Variants in EYS observed in about 807,000 individuals in gnomAD.
The protein encoded by EYS is EGF-like photoreceptor maintenance factor, also known as protein eyes shut homolog.
Under a neutral mutation model 282.1 loss-of-function variants are expected in EYS, and 250 were observed. That is an observed-to-expected ratio of 0.89 (90% CI 0.80 to 0.98). The LOEUF is 0.98. Ranked by LOEUF, EYS falls within the 50% of genes least tolerant of loss-of-function variation. The probability of loss-of-function intolerance (pLI) is 0.00; values close to 1 mark genes in which losing one functional copy is unlikely to be tolerated. For synonymous variants in EYS, 1,355 were observed against 1,282.9 expected, an observed-to-expected ratio of 1.06 and a Z score of -1.20; for missense variants, 4,016 against 3,709.0, an observed-to-expected ratio of 1.08 and a Z score of -2.15.
At chr6:64,963,336 C>T (rs1013728640) in intron 14 of EYS, among the ~76,000 whole-genome samples, 1 of 152,080 alleles carries the variant, frequency 6.6e-6, no homozygotes, top group Non-Finnish European at 1.5e-5. Flanking sequence ...TACTTCTTGA[C>T]CAGGATGTAG....
chr6:65,059,442 A>G (rs1773507450), intron 12 of EYS, among the ~76,000 whole-genome samples: 2 of 152,136 alleles, frequency 1.3e-5, no homozygotes, highest in Non-Finnish European at 2.9e-5. Context: ...AGGAGGTAGT[A>G]TTACAACTTG....
intron 12 of EYS, among the ~76,000 whole-genome samples, chr6:65,128,083 A>G (rs1358943329): frequency 6.6e-6 from 1 of 152,070 alleles, no homozygotes; most frequent in Admixed American, 6.6e-5. Flanking sequence ...TCCCATGGTC[A>G]AACTATTAAG....
Position 64,685,481 on chromosome 6 carries a change from G to A in EYS, c.3444-59236C>T, listed in dbSNP as rs138887043. Among the ~76,000 whole-genome samples the A allele has an allele frequency of 5.5e-3, 844 of 152,226 alleles. 8 individuals are homozygous for A. The highest frequency in any genetic ancestry group is 0.019 in the African/African-American group (805 of 41,536). ...CTCATGAATAGACTAATGTTTTGGG[G>A]TGGTGGTGAGTGAGTTCCAACTCTG... On this transcript the variant is annotated intron_variant, in intron 22 of 42. Coordinates refer to ENST00000503581, the MANE Select transcript of EYS (RefSeq NM_001142800.2).
At chr6:65,136,027 G>GTA (rs1776015547) in intron 12 of EYS, among the ~76,000 whole-genome samples, 1 of 151,902 alleles carries the variant, frequency 6.6e-6, no homozygotes, top group South Asian at 2.1e-4. Flanking sequence ...AAATAAATAT[G>GTA]TATATATGAT....
intron 13 of EYS, among the ~76,000 whole-genome samples, chr6:65,021,100 A>G (rs1428194548): frequency 2.6e-5 from 4 of 152,126 alleles, no homozygotes; most frequent in East Asian, 3.9e-4. Context: ...CACTTTCCCC[A>G]TTGTCTTGGT....
chr6:64,990,229 C>G (rs1301778350), intron 14 of EYS, among the ~76,000 whole-genome samples: 1 of 151,290 alleles, frequency 6.6e-6, no homozygotes, highest in Non-Finnish European at 1.5e-5. Context: ...TCTATGAACC[C>G]CTTAAATGCA....
chr6:65,200,477 G>T (rs1306022765), intron 12 of EYS, among the ~76,000 whole-genome samples: 1 of 151,338 alleles, frequency 6.6e-6, no homozygotes, highest in Non-Finnish European at 1.5e-5. Flanking sequence ...TGAGGGGTGG[G>T]GGCTTTCCAA....
chr6:63,954,309 T>TATC (rs1765720327), intron 35 of EYS, among the ~76,000 whole-genome samples: 1 of 152,154 alleles, frequency 6.6e-6, no homozygotes, highest in Non-Finnish European at 1.5e-5. Flanking sequence ...CTTCCACATC[T>TATC]ATCATTGAGG....
intron 28 of EYS, among the ~76,000 whole-genome samples, chr6:64,411,804 C>A (rs995297808): frequency 7.6e-6 from 1 of 131,302 alleles, no homozygotes; most frequent in Non-Finnish European, 1.7e-5. Context: ...GCTATGATTA[C>A]GAGTGTATAT....
At chr6:64,835,185 C>A (rs1269596523) in intron 19 of EYS, among the ~76,000 whole-genome samples, 2 of 151,614 alleles carry the variant, frequency 1.3e-5, no homozygotes, top group African/African-American at 2.4e-5. Flanking sequence ...GTCTACAAAC[C>A]AACAAAGTTT....
At chr6:65,051,337 A>G (rs1467839500) in intron 13 of EYS, among the ~76,000 whole-genome samples, 2 of 151,584 alleles carry the variant, frequency 1.3e-5, no homozygotes, top group Non-Finnish European at 3.0e-5. Flanking sequence ...TGCAGGTTTC[A>G]TTTTATGAAT....
At chr6:65,266,480 A>G (rs1235121324) in intron 12 of EYS, among the ~76,000 whole-genome samples, 1 of 151,568 alleles carries the variant, frequency 6.6e-6, no homozygotes, top group African/African-American at 2.4e-5. Context: ...GCATGCATGC[A>G]TGAATGAATG....
chr6:64,483,941 C>T (rs371399991), intron 26 of EYS, among the ~76,000 whole-genome samples: 7 of 151,710 alleles, frequency 4.6e-5, no homozygotes, highest in African/African-American at 1.4e-4. Flanking sequence ...AGGCTTTTTA[C>T]GAACTCAGCT....
chr6:64,738,217 G>A (rs1046489632), intron 22 of EYS, among the ~76,000 whole-genome samples: 1 of 152,168 alleles, frequency 6.6e-6, no homozygotes, highest in African/African-American at 2.4e-5. Flanking sequence ...GAAAGGGCTG[G>A]ATGGGGCTGG....
intron 22 of EYS, among the ~76,000 whole-genome samples, chr6:64,744,749 A>AT (rs1048236994): frequency 2.0e-4 from 30 of 152,278 alleles, no homozygotes; most frequent in African/African-American, 7.2e-4. Context: ...TGATTGAGAA[A>AT]TTTTTATCTC....
At chr6:63,827,252 C>T (rs535254016) in intron 36 of EYS, among the ~76,000 whole-genome samples, 23 of 152,290 alleles carry the variant, frequency 1.5e-4, no homozygotes, top group African/African-American at 5.1e-4. Flanking sequence ...GCACCTAACA[C>T]TGGAGCTCCC....
intron 29 of EYS, among the ~76,000 whole-genome samples, chr6:64,310,313 C>G (rs987375803): frequency 6.6e-6 from 1 of 152,024 alleles, no homozygotes; most frequent in African/African-American, 2.4e-5. Context: ...TTCACAATAG[C>G]AAAGACATGG....
chr6:65,372,120 C>A (rs919146399), intron 8 of EYS, among the ~76,000 whole-genome samples: 71 of 151,110 alleles, frequency 4.7e-4, no homozygotes, highest in African/African-American at 1.6e-3. Context: ...TCTAATGAAG[C>A]CTTATAGGAG....
intron 26 of EYS, among the ~76,000 whole-genome samples, chr6:64,478,010 A>T (rs1258885516): frequency 1.3e-5 from 2 of 152,036 alleles, no homozygotes; most frequent in African/African-American, 2.4e-5. Context: ...CAGCAAAAGC[A>T]CTATGTACCA....
Sources: allele counts gnomAD v4.1 joint callset (sites outside exome capture counted in the v4.1 genomes callset), GRCh38; gene constraint gnomAD v4.1.1; transcripts MANE v1.5; gene names NCBI Gene and HGNC (gene_info 2026-07-23, HGNC 2026-07-21).